SETD4: variants seen among roughly 807,000 people sequenced by gnomAD.
SETD4 encodes SET domain-containing protein 4.
A neutral mutation model predicts 58.3 loss-of-function variants in SETD4; 46 were observed. The observed-to-expected ratio is 0.79, with a 90% CI of 0.62 to 1.01. The LOEUF is 1.01. Among genes scored for constraint, SETD4 ranks in the 50% least tolerant of loss-of-function variants. The probability of loss-of-function intolerance (pLI) is 0.00; values close to 1 mark genes in which losing one functional copy is unlikely to be tolerated. For missense variants in SETD4, 490 were observed against 523.3 expected, an observed-to-expected ratio of 0.94 and a Z score of 0.62; for synonymous variants, 190 against 202.6, an observed-to-expected ratio of 0.94 and a Z score of 0.53.
intron 9 of SETD4, among the ~76,000 whole-genome samples, chr21:36,039,133 T>A (rs929550282): frequency 2.0e-5 from 3 of 152,028 alleles, no homozygotes; most frequent in Non-Finnish European, 4.4e-5. Flanking sequence ...GAGTTCTCAG[T>A]AAAGAAAAAG....
intron 9 of SETD4, among the ~76,000 whole-genome samples, chr21:36,038,961 C>T (rs12482548): frequency 2.8e-4 from 43 of 151,916 alleles, no homozygotes; most frequent in African/African-American, 4.6e-4. Context: ...GACGGAGGAC[C>T]GGATTCTGAA....
At chr21:36,055,878 C>T (rs1295099708) in intron 3 of SETD4, among the ~76,000 whole-genome samples, 2 of 152,150 alleles carry the variant, frequency 1.3e-5, no homozygotes, top group African/African-American at 4.8e-5. Context: ...ACCCATCCTT[C>T]CTAGGGCAAA....
rs2123487949 is a variant in SETD4 at position 36,035,936 on chromosome 21, T to C, written c.*57A>G. On this transcript the variant is annotated 3_prime_UTR_variant, in exon 12 of 12. Coordinates refer to ENST00000332131, the MANE Select transcript of SETD4 (RefSeq NM_017438.5). ...CAGCCACCACCCCAGCCCATGATGATGCTCTTCAAAATTAACTTTTGTTTC... is the reference window on the plus strand; with the variant it reads ...CAGCCACCACCCCAGCCCATGATGACGCTCTTCAAAATTAACTTTTGTTTC... 1 of 781,252 alleles carries C rather than the reference T, an allele frequency of 1.3e-6. No individual in the cohort carries two copies. 48.4% of individuals were successfully genotyped at this position (781,252 alleles called of 1,614,324 possible).
Position 36,043,847 on chromosome 21 carries a change from CG to C in SETD4, c.835del (p.Arg279GlyfsTer43), listed in dbSNP as rs771535711. The C allele has an allele frequency of 7.4e-6, 12 of 1,614,058 alleles. No homozygotes were observed. Among genetic ancestry groups the C allele is most frequent in the Non-Finnish European group, 1.0e-5 (12 of 1,180,048 alleles). On this transcript the variant is annotated frameshift_variant, in exon 7 of 12. Coordinates refer to ENST00000332131, the MANE Select transcript of SETD4 (RefSeq NM_017438.5). LOFTEE classifies it high-confidence loss of function. ...AACAAATCCGTATTCCAGGAACAGC[CG>C]TTGATTATCGTGAGGGCCGTAACAG... is the stretch of plus-strand genomic sequence containing the variant. ...FICYGPHDNQ[R>X]LFLEYGFVSV...
chr21:36,043,249 C>T (rs1265836494), intron 7 of SETD4: 1 of 172,186 alleles, frequency 5.8e-6, no homozygotes, highest in Non-Finnish European at 1.2e-5. Context: ...CAACAGAGTG[C>T]GACTCTGACT....
At chr21:36,053,743 C>A in intron 3 of SETD4, 123 bp from the exon 4 acceptor site, 1 of 948,584 alleles carries the variant, frequency 1.1e-6, no homozygotes, top group African/African-American at 1.6e-5. Flanking sequence ...GGATGTCTCT[C>A]AGCCTTTGAT....
chr21:36,059,179 T>C, intron 1 of SETD4: 1 of 256,364 alleles, frequency 3.9e-6, no homozygotes. Flanking sequence ...AGTTTTATCT[T>C]GCAGACCTAG....
chr21:36,047,967 T>C (rs1233219631), intron 5 of SETD4, among the ~76,000 whole-genome samples: 1 of 150,210 alleles, frequency 6.7e-6, no homozygotes, highest in African/African-American at 2.5e-5. Flanking sequence ...GATCACGACA[T>C]TGCACTCCAG....
intron 3 of SETD4, among the ~76,000 whole-genome samples, chr21:36,055,815 A>G (rs918727411): frequency 6.6e-6 from 1 of 152,156 alleles, no homozygotes; most frequent in African/African-American, 2.4e-5. Context: ...CAGATGACCT[A>G]TTCTCAGGTA....
chr21:36,059,678 A>G, intron 1 of SETD4: 1 of 907,346 alleles, frequency 1.1e-6, no homozygotes, highest in Non-Finnish European at 1.3e-6. Context: ...ACAGAGCGAG[A>G]CTCTGTCACA....
rs568694924 is a variant in SETD4 at position 36,041,255 on chromosome 21, C to T, written c.983+552G>A. On this transcript the variant is annotated intron_variant, in intron 8 of 11. Transcript: ENST00000332131. The stretch of plus-strand genomic sequence containing the variant: ...GCACAGGAGTTCCCAGTAAGAGAAA[C>T]GCTTAAGAACTGGAACTACCCTGGG... Among the ~76,000 whole-genome samples, 39 of 150,094 alleles carry T rather than the reference C, an allele frequency of 2.6e-4. No individual in the cohort carries two copies. In the South Asian group the frequency reaches 4.4e-3, roughly 17 times the overall value.
intron 6 of SETD4, among the ~76,000 whole-genome samples, chr21:36,044,826 T>A (rs1318769115): frequency 6.6e-6 from 1 of 152,106 alleles, no homozygotes; most frequent in Non-Finnish European, 1.5e-5. Flanking sequence ...CCCAGCCATG[T>A]CCCTCCACAA....
intron 10 of SETD4, among the ~76,000 whole-genome samples, chr21:36,037,342 T>C (rs1225847459): frequency 1.3e-5 from 2 of 152,130 alleles, no homozygotes; most frequent in Non-Finnish European, 2.9e-5. Flanking sequence ...CAGTGGCTCA[T>C]GCCTGTAATC....
intron 2 of SETD4, among the ~76,000 whole-genome samples, chr21:36,058,071 G>A (rs143980775): frequency 1.3e-5 from 2 of 152,334 alleles, no homozygotes; most frequent in African/African-American, 4.8e-5. Context: ...GATAGCTGAA[G>A]GTCAAGACCA....
At chr21:36,037,280 CTATAAA>C (rs1160726671) in intron 10 of SETD4, among the ~76,000 whole-genome samples, 1 of 123,934 alleles carries the variant, frequency 8.1e-6, no homozygotes, top group Non-Finnish European at 1.8e-5. Flanking sequence ...ATGTAGTCCA[CTATAAA>C]TATATACAAT....
At chr21:36,044,363 C>A (rs1256481741) in intron 6 of SETD4, among the ~76,000 whole-genome samples, 1 of 152,242 alleles carries the variant, frequency 6.6e-6, no homozygotes, top group African/African-American at 2.4e-5. Context: ...TTTCACAATC[C>A]TTTCAAAGTG....
intron 2 of SETD4, among the ~76,000 whole-genome samples, chr21:36,058,025 A>G (rs991808358): frequency 1.3e-5 from 2 of 152,236 alleles, no homozygotes; most frequent in African/African-American, 4.8e-5. Context: ...CTGAATTTGA[A>G]GTCATAAATT....
At position 36,041,878 on chromosome 21, in the gene SETD4, A is replaced by T. The variant is rs562417036; in HGVS notation, c.912T>A (p.Val304=). ...ACVYVSREIL[V]KYLPSTDKQM... ...GTTTATCTGTTGATGGAAGATATTT[A>T]ACAAGTATTTCTATATTCAAAAAAA... Residue 304 remains valine (V), a synonymous_variant, in exon 8 of 12, where the codon GTT becomes GTA. Transcript: ENST00000332131. The T allele has an allele frequency of 4.1e-4, 593 of 1,442,948 alleles. 1 individual carries two copies. The highest frequency in any genetic ancestry group is 1.0e-3 in the Admixed American group (43 of 42,364). 89.4% of individuals were successfully genotyped at this position (1,442,948 alleles called of 1,614,324 possible). A position where few individuals can be genotyped will look rare whatever the true frequency, so the allele number is the denominator to read the frequency against.
Position 36,038,214 on chromosome 21 carries a change from C to CT in SETD4, c.1123dup (p.Ser375LysfsTer17). 1 of 1,614,122 alleles carries CT rather than the reference C, an allele frequency of 6.2e-7. No homozygotes were observed. The highest frequency in any genetic ancestry group is 8.5e-7 in the Non-Finnish European group (1 of 1,180,004). On this transcript the variant is annotated frameshift_variant, in exon 10 of 12. Transcript: ENST00000332131. LOFTEE classifies it high-confidence loss of function. Reference sequence around the variant, plus strand: ...GCATATTTTCTGGGCTATGTCCAAACTTGTCTTCTCATTCGTATCTGAAAT... The same window carrying CT: ...GCATATTTTCTGGGCTATGTCCAAACTTTGTCTTCTCATTCGTATCTGAAAT...
Sources: allele counts gnomAD v4.1 joint callset (sites outside exome capture counted in the v4.1 genomes callset), GRCh38; gene constraint gnomAD v4.1.1; transcripts MANE v1.5; gene names NCBI Gene and HGNC (gene_info 2026-07-23, HGNC 2026-07-21).